The following GAB2 variants were observed in gnomAD, a reference collection of about 807,000 sequenced individuals.
The protein encoded by GAB2 is GRB2 associated binding protein 2, also known as GRB2-associated-binding protein 2.
In GAB2, 26 loss-of-function variants were observed where a neutral mutation model predicts 65.5. The ratio of observed to expected loss-of-function variants is 0.40; its 90% CI spans 0.29 to 0.55. The LOEUF (loss-of-function observed/expected upper bound fraction) is 0.55, where lower values mean the gene tolerates loss of function less well. GAB2 is among the 20% of genes least tolerant of loss of function. The pLI is 0.53. For missense variants in GAB2, 884 were observed against 875.8 expected, an observed-to-expected ratio of 1.01 and a Z score of -0.12; for synonymous variants, 321 against 329.6, an observed-to-expected ratio of 0.97 and a Z score of 0.28.
intron 2 of GAB2, chr11:78,280,361 A>G: frequency 1.8e-6 from 1 of 541,952 alleles, no homozygotes; most frequent in East Asian, 3.1e-5. Flanking sequence ...GCACCTAAGG[A>G]AACACCACAA....
At chr11:78,414,347 TAAAC>T (rs1857166900) in intron 1 of GAB2, among the ~76,000 whole-genome samples, 1 of 152,282 alleles carries the variant, frequency 6.6e-6, no homozygotes, top group Non-Finnish European at 1.5e-5. Context: ...ATAATGGAAA[TAAAC>T]AATTACTGTT....
intron 1 of GAB2, among the ~76,000 whole-genome samples, chr11:78,301,417 C>T (rs1005872779): frequency 1.3e-5 from 2 of 150,056 alleles, no homozygotes; most frequent in Non-Finnish European, 2.9e-5. Flanking sequence ...GCAACCTCTG[C>T]CTCCCAAGTT....
intron 2 of GAB2, among the ~76,000 whole-genome samples, chr11:78,258,907 G>A (rs771960654): frequency 6.6e-6 from 1 of 152,140 alleles, no homozygotes; most frequent in Non-Finnish European, 1.5e-5. Context: ...GGGTACACGT[G>A]CATGTTTGTT....
At chr11:78,357,941 C>T (rs1856381056) in intron 1 of GAB2, among the ~76,000 whole-genome samples, 1 of 152,182 alleles carries the variant, frequency 6.6e-6, no homozygotes, top group African/African-American at 2.4e-5. Flanking sequence ...CATCCCATTA[C>T]TGGGTATATA....
At chr11:78,366,156 GT>G (rs1856494416) in intron 1 of GAB2, among the ~76,000 whole-genome samples, 1 of 152,200 alleles carries the variant, frequency 6.6e-6, no homozygotes, top group South Asian at 2.1e-4. Flanking sequence ...CTAGAATAGT[GT>G]TTATACAGAG....
chr11:78,393,339 A>G (rs552662228), intron 1 of GAB2, among the ~76,000 whole-genome samples: 5 of 152,334 alleles, frequency 3.3e-5, no homozygotes, highest in African/African-American at 1.2e-4. Flanking sequence ...AGTTTTCCCA[A>G]TTACACGAAT....
chr11:78,253,158 A>C (rs892401497), intron 2 of GAB2, among the ~76,000 whole-genome samples: 4 of 151,862 alleles, frequency 2.6e-5, no homozygotes, highest in African/African-American at 9.7e-5. Context: ...CTACAGGTGT[A>C]TGCCATGACG....
intron 1 of GAB2, among the ~76,000 whole-genome samples, chr11:78,359,350 C>T (rs1004136838): frequency 2.0e-5 from 3 of 152,168 alleles, no homozygotes; most frequent in African/African-American, 7.2e-5. Context: ...AAGAGATCAC[C>T]TGCAGAAGAA....
chr11:78,335,559 G>C (rs1041708950), intron 1 of GAB2, among the ~76,000 whole-genome samples: 3 of 152,192 alleles, frequency 2.0e-5, no homozygotes, highest in African/African-American at 7.2e-5. Flanking sequence ...GTAGGTATGT[G>C]AATTTGTTTC....
chr11:78,261,656 T>C (rs1192169917), intron 2 of GAB2, among the ~76,000 whole-genome samples: 10 of 152,184 alleles, frequency 6.6e-5, no homozygotes, highest in Admixed American at 4.6e-4. Flanking sequence ...GATTCATTCA[T>C]ATTTGAAATG....
intron 1 of GAB2, among the ~76,000 whole-genome samples, chr11:78,353,548 C>T (rs536363013): frequency 6.6e-6 from 1 of 152,284 alleles, no homozygotes; most frequent in South Asian, 2.1e-4. Context: ...GCTTTGAGCC[C>T]AGCATTATTC....
At chr11:78,314,638 G>A (rs924040804) in intron 1 of GAB2, among the ~76,000 whole-genome samples, 11 of 152,224 alleles carry the variant, frequency 7.2e-5, no homozygotes, top group Middle Eastern at 3.2e-3. Context: ...AGTGTCAAGT[G>A]TATATAGAAG....
Position 78,417,785 on chromosome 11 carries a change from A to T in GAB2, c.-65T>A, listed in dbSNP as rs949010778. 3.2e-3 allele frequency: 2,911 copies of T among 911,530 alleles called. 7 individuals carry two copies. The highest frequency in any genetic ancestry group is 3.7e-3 in the Non-Finnish European group (2,753 of 746,184). 56.5% of individuals were successfully genotyped at this position (911,530 alleles called of 1,614,324 possible). A position where few individuals can be genotyped will look rare whatever the true frequency, so the allele number is the denominator to read the frequency against. On this transcript the variant is annotated 5_prime_UTR_variant, in exon 1 of 10. Transcript: ENST00000361507. ...GGGCGCGGGCTCGGGCAGCTGGGGCAGCGGCCGGCGGTGCGCAGCTCGCGG... is the reference window on the plus strand; with the variant it reads ...GGGCGCGGGCTCGGGCAGCTGGGGCTGCGGCCGGCGGTGCGCAGCTCGCGG...
intron 1 of GAB2, among the ~76,000 whole-genome samples, chr11:78,346,722 A>ATATATATTTT (rs1565168352): frequency 1.6e-4 from 5 of 30,784 alleles, no homozygotes; most frequent in African/African-American, 4.9e-4. Flanking sequence ...TATATATATA[A>ATATATATTTT]TTTTTTTTTT....
Position 78,216,703 on chromosome 11 carries a change from A to T in GAB2, c.*2569T>A, listed in dbSNP as rs950637996. ...GAAGATTCCAGCCAGGTCCACTCACATCATGGCACACTCAGAACATGCTCA... is the reference window on the plus strand; with the variant it reads ...GAAGATTCCAGCCAGGTCCACTCACTTCATGGCACACTCAGAACATGCTCA... On this transcript the variant is annotated 3_prime_UTR_variant, in exon 10 of 10. Coordinates refer to ENST00000361507, the MANE Select transcript of GAB2 (RefSeq NM_080491.3). 4 of 152,246 alleles carry T rather than the reference A, an allele frequency of 2.6e-5. No homozygotes were observed. Among genetic ancestry groups the T allele is most frequent in the Non-Finnish European group, 5.9e-5 (4 of 68,074 alleles). The allele number at this position is 152,246 out of a possible 1,614,324, so 9.4% of individuals were successfully genotyped here. A position where few individuals can be genotyped will look rare whatever the true frequency, so the allele number is the denominator to read the frequency against.
At chr11:78,283,775 A>C (rs1284118639) in intron 1 of GAB2, among the ~76,000 whole-genome samples, 1 of 151,660 alleles carries the variant, frequency 6.6e-6, no homozygotes, top group African/African-American at 2.4e-5. Flanking sequence ...ATGCACTCTC[A>C]ACTCTCCTTC....
At chr11:78,314,378 A>G (rs1855559249) in intron 1 of GAB2, among the ~76,000 whole-genome samples, 1 of 152,220 alleles carries the variant, frequency 6.6e-6, no homozygotes, top group African/African-American at 2.4e-5. Context: ...TTTTAATACA[A>G]CCACTTAGGA....
chr11:78,312,063 C>T (rs61490632), intron 1 of GAB2, among the ~76,000 whole-genome samples: 1 of 152,042 alleles, frequency 6.6e-6, no homozygotes, highest in African/African-American at 2.4e-5. Context: ...TGAAAACAGC[C>T]CTTTTTCTAG....
chr11:78,363,532 T>C (rs1856460310), intron 1 of GAB2, among the ~76,000 whole-genome samples: 1 of 152,096 alleles, frequency 6.6e-6, no homozygotes, highest in Non-Finnish European at 1.5e-5. Flanking sequence ...TGAATAAAAA[T>C]GTCTGCTTTC....
Sources: allele counts gnomAD v4.1 joint callset (sites outside exome capture counted in the v4.1 genomes callset), GRCh38; gene constraint gnomAD v4.1.1; transcripts MANE v1.5; gene names NCBI Gene and HGNC (gene_info 2026-07-23, HGNC 2026-07-21).